The following RAPGEF2 variants were observed in gnomAD, a reference collection of about 807,000 sequenced individuals.
The protein encoded by RAPGEF2 is Rap guanine nucleotide exchange factor 2, also known as PDZ domain containing guanine nucleotide exchange factor (GEF) 1.
RAPGEF2 carries 54 observed loss-of-function variants against 186.7 expected under a neutral mutation model. The ratio of observed to expected loss-of-function variants is 0.29; its 90% CI spans 0.23 to 0.36. The LOEUF is 0.36. RAPGEF2 is among the 10% of genes least tolerant of loss of function. The pLI is 1.00. For synonymous variants in RAPGEF2, 712 were observed against 705.9 expected (o/e 1.01, Z -0.14); for missense variants, 1,532 against 2,045.0 (o/e 0.75, Z 4.84).
Position 159,355,878 on chromosome 4 carries a change from G to GCCCCCCCCCCCCCCCCC in RAPGEF2, c.4682_4683insCCCCCCCCCCCCCCCCC (p.Thr1563ProfsTer68). 2.2e-5 allele frequency: 33 copies of GCCCCCCCCCCCCCCCCC among 1,515,706 alleles called. No homozygotes were observed. Among genetic ancestry groups the GCCCCCCCCCCCCCCCCC allele is most frequent in the African/African-American group, 2.8e-5 (2 of 72,202 alleles). The allele number at this position is 1,515,706 out of a possible 1,614,324, so 93.9% of individuals were successfully genotyped here. A position where few individuals can be genotyped will look rare whatever the true frequency, so the allele number is the denominator to read the frequency against. ...CACGAAAGGAGGGCAGGTATCGAGAGCCCCCGCCCACCCCTCCCGGCTACA... is the reference window on the plus strand; with the variant it reads ...CACGAAAGGAGGGCAGGTATCGAGAGCCCCCCCCCCCCCCCCCCCCCCGCCCACCCCTCCCGGCTACA... On this transcript the variant is annotated frameshift_variant, in exon 29 of 30. Coordinates refer to ENST00000691494, the MANE Select transcript of RAPGEF2 (RefSeq NM_001394067.2). LOFTEE classifies it high-confidence loss of function.
chr4:159,309,545 A>G (rs1158501166), intron 8 of RAPGEF2, among the ~76,000 whole-genome samples: 4 of 152,216 alleles, frequency 2.6e-5, no homozygotes, highest in Non-Finnish European at 5.9e-5. Context: ...CACTAGACAC[A>G]GAAGGTAGTA....
At chr4:159,280,946 A>G (rs930265313) in intron 7 of RAPGEF2, among the ~76,000 whole-genome samples, 5 of 151,358 alleles carry the variant, frequency 3.3e-5, no homozygotes, top group South Asian at 2.1e-4. Flanking sequence ...TTCTGATGTT[A>G]GCTAGCTGTA....
intron 7 of RAPGEF2, among the ~76,000 whole-genome samples, chr4:159,255,651 A>G (rs370371355): frequency 1.1e-4 from 16 of 152,178 alleles, no homozygotes; most frequent in African/African-American, 2.4e-4. Context: ...TGAATATTCT[A>G]CGTGATAAGG....
chr4:159,199,358 G>A (rs934256135), intron 3 of RAPGEF2, among the ~76,000 whole-genome samples: 5 of 152,062 alleles, frequency 3.3e-5, no homozygotes, highest in African/African-American at 7.2e-5. Flanking sequence ...AAATAAAAAC[G>A]TTGTTAAAAA....
chr4:159,347,160 C>T (rs929324780), intron 25 of RAPGEF2, among the ~76,000 whole-genome samples, 162 bp downstream of exon 25: 1 of 152,200 alleles, frequency 6.6e-6, no homozygotes, highest in Non-Finnish European at 1.5e-5. Flanking sequence ...TTAAACCTGA[C>T]TTTGCCAATG....
intron 7 of RAPGEF2, among the ~76,000 whole-genome samples, chr4:159,281,685 A>G (rs913531344): frequency 8.3e-5 from 12 of 144,066 alleles, no homozygotes; most frequent in Admixed American, 7.0e-4. Flanking sequence ...AAAAAAAAAA[A>G]AAAAAGAAAA....
chr4:159,308,180 C>G (rs1392660218), intron 8 of RAPGEF2, among the ~76,000 whole-genome samples: 1 of 152,144 alleles, frequency 6.6e-6, no homozygotes, highest in African/African-American at 2.4e-5. Context: ...AGCTTACAGC[C>G]TGCTATCTGG....
rs751565671 is a variant in RAPGEF2 at position 159,322,513 on chromosome 4, T to C, written c.990+30T>C. The C allele has an allele frequency of 1.8e-5, 28 of 1,599,570 alleles. No homozygotes were observed. The African/African-American group carries it at 3.1e-4, about 18-fold the overall frequency. ...GTAACTATTCCTACCACTTAAAAAG[T>C]TTCTTCTTAAAGATATCTCAATACA... is the stretch of plus-strand genomic sequence containing the variant. On this transcript the variant is annotated intron_variant, in intron 10 of 29. Coordinates refer to ENST00000691494, the MANE Select transcript of RAPGEF2 (RefSeq NM_001394067.2).
At chr4:159,119,856 C>T (rs1739466672) in intron 1 of RAPGEF2, among the ~76,000 whole-genome samples, 1 of 152,050 alleles carries the variant, frequency 6.6e-6, no homozygotes, top group South Asian at 2.1e-4. Flanking sequence ...TAAATTGGTT[C>T]CTTTTGTTTC....
At chr4:159,270,489 C>CT (rs1346392993) in intron 7 of RAPGEF2, among the ~76,000 whole-genome samples, 1 of 152,058 alleles carries the variant, frequency 6.6e-6, no homozygotes, top group Non-Finnish European at 1.5e-5. Flanking sequence ...GGCTTTGCTT[C>CT]TTTGACTGCA....
chr4:159,242,708 C>T (rs1754154955), intron 6 of RAPGEF2, among the ~76,000 whole-genome samples: 1 of 105,034 alleles, frequency 9.5e-6, no homozygotes, highest in African/African-American at 4.3e-5. Flanking sequence ...TTTTTTGTTA[C>T]CATTGTCCAT....
intron 4 of RAPGEF2, among the ~76,000 whole-genome samples, chr4:159,232,229 T>G (rs1216649577): frequency 6.6e-6 from 1 of 152,226 alleles, no homozygotes; most frequent in Non-Finnish European, 1.5e-5. Context: ...TGGCGCTACC[T>G]CTTTCTAAAG....
At chr4:159,347,087 G>A in intron 25 of RAPGEF2, 89 bp downstream of exon 25, 2 of 1,230,006 alleles carry the variant, frequency 1.6e-6, no homozygotes, top group East Asian at 4.8e-5. Flanking sequence ...GGATAACTTT[G>A]TCTAATATAT....
intron 1 of RAPGEF2, among the ~76,000 whole-genome samples, chr4:159,131,519 A>ATTTTTTTTTTTTTTTTTTTTTTTTTTT (rs35670450): frequency 8.1e-5 from 3 of 37,212 alleles, no homozygotes; most frequent in Non-Finnish European, 1.5e-4. Context: ...ATTAATTGCT[A>ATTTTTTTTTTTTTTTTTTTTTTTTTTT]TTTTTTTTTT....
Position 159,331,544 on chromosome 4 carries a change from A to G in RAPGEF2, c.1575+6A>G, listed in dbSNP as rs1361124865. The stretch of plus-strand genomic sequence containing the variant: ...AAAACAATCTGGAAAGAGAGGTAAT[A>G]TTTGTGGTTTTTTTTAAGATCAGCT... On this transcript the variant is annotated splice_donor_region_variant and intron_variant, in intron 14 of 29. Coordinates refer to ENST00000691494, the MANE Select transcript of RAPGEF2 (RefSeq NM_001394067.2). The G allele has an allele frequency of 4.3e-6, 7 of 1,611,220 alleles. No homozygotes were observed. The highest frequency in any genetic ancestry group is 1.3e-5 in the African/African-American group (1 of 74,820).
chr4:159,164,855 C>T (rs1371182971), intron 1 of RAPGEF2, among the ~76,000 whole-genome samples: 1 of 152,096 alleles, frequency 6.6e-6, no homozygotes, highest in Non-Finnish European at 1.5e-5. Context: ...AGCTTTCCAG[C>T]GTATTTTGTG....
chr4:159,140,837 A>ATT (rs901325959), intron 1 of RAPGEF2, among the ~76,000 whole-genome samples: 1 of 62,388 alleles, frequency 1.6e-5, no homozygotes, highest in African/African-American at 5.9e-5. Flanking sequence ...AAAAAAAAAA[A>ATT]TTTTTTTTTT....
rs182570718 is a variant in RAPGEF2 at position 159,306,137 on chromosome 4, T to C, written c.675+1664T>C. ...CTCTTTTGTGATTACGTATGAACTT[T>C]AGGATTTTTTTTTTCTAATTCTGTG... On this transcript the variant is annotated intron_variant, in intron 8 of 29. Coordinates refer to ENST00000691494, the MANE Select transcript of RAPGEF2 (RefSeq NM_001394067.2). Among the ~76,000 whole-genome samples the C allele has an allele frequency of 8.0e-5, 11 of 136,870 alleles. No homozygotes were observed. The East Asian group carries it at 1.9e-3, about 24-fold the overall frequency. The allele number at this position is 136,870 out of a possible 152,430, so 89.8% of individuals were successfully genotyped here. A position where few individuals can be genotyped will look rare whatever the true frequency, so the allele number is the denominator to read the frequency against.
intron 1 of RAPGEF2, among the ~76,000 whole-genome samples, chr4:159,107,867 GT>G (rs796642840): frequency 3.3e-5 from 5 of 152,254 alleles, no homozygotes; most frequent in African/African-American, 1.2e-4. Flanking sequence ...TTCCATTTGA[GT>G]TTCTTTTTAC....
Sources: allele counts gnomAD v4.1 joint callset (sites outside exome capture counted in the v4.1 genomes callset), GRCh38; gene constraint gnomAD v4.1.1; transcripts MANE v1.5; gene names NCBI Gene and HGNC (gene_info 2026-07-23, HGNC 2026-07-21).